Variants in CLYBL observed in about 807,000 individuals in gnomAD.
CLYBL encodes the protein citramalyl-CoA lyase, mitochondrial.
In CLYBL, 31 loss-of-function variants were observed where a neutral mutation model predicts 38.9. That is an observed-to-expected ratio of 0.80 (90% confidence interval 0.60 to 1.08). The LOEUF (loss-of-function observed/expected upper bound fraction) is 1.08, where lower values mean the gene tolerates loss of function less well. Ranked by LOEUF, CLYBL falls within the 50% of genes least tolerant of loss-of-function variation. The pLI is 0.00. For missense variants in CLYBL, 434 were observed against 411.6 expected, an observed-to-expected ratio of 1.05 and a Z score of -0.47; for synonymous variants, 171 against 158.6, an observed-to-expected ratio of 1.08 and a Z score of -0.59.
At chr13:99,877,329 T>C (rs1034901939) in intron 7 of CLYBL, among the ~76,000 whole-genome samples, 1 of 152,152 alleles carries the variant, frequency 6.6e-6, no homozygotes, top group East Asian at 1.9e-4. Flanking sequence ...TTCCTCTTCC[T>C]GTATTTCTCC....
chr13:99,651,203 C>T (rs770457068), intron 1 of CLYBL, among the ~76,000 whole-genome samples: 20 of 152,360 alleles, frequency 1.3e-4, no homozygotes, highest in South Asian at 8.3e-4. Flanking sequence ...TTAGATCCAA[C>T]CACCTAGGTC....
At chr13:99,729,686 A>G (rs890699348) in intron 1 of CLYBL, among the ~76,000 whole-genome samples, 1 of 152,186 alleles carries the variant, frequency 6.6e-6, no homozygotes, top group Non-Finnish European at 1.5e-5. Flanking sequence ...TTCTCTGTCA[A>G]TTAGCAAATG....
At chr13:99,819,500 C>A (rs2050543875) in intron 2 of CLYBL, among the ~76,000 whole-genome samples, 2 of 114,912 alleles carry the variant, frequency 1.7e-5, no homozygotes, top group Admixed American at 9.1e-5. Flanking sequence ...GGGACAGAAC[C>A]AATAGGATAT....
In CLYBL at chr13:99,870,948, G is replaced by T. The variant is rs774568930; in HGVS notation, c.813G>T (p.Val271=). ...TTAATATTCTTGTAGGTAAGCAGGT[G>T]ATTCACCCTAACCAAATTGCCGTGG... ...GAAMGFTGKQ[V]IHPNQIAVVQ... is the part of the protein sequence containing the mutation. Residue 271 remains valine, a synonymous_variant, in exon 7 of 9, where the codon GTG becomes GTT. Coordinates refer to ENST00000339105, the MANE Select transcript of CLYBL (RefSeq NM_206808.5). 3.1e-6 allele frequency: 5 copies of T among 1,609,426 alleles called. No homozygotes were observed. The South Asian group carries it at 4.4e-5, about 14-fold the overall frequency.
chr13:99,610,389 TTAAG>T (rs2046607985), intron 1 of CLYBL, among the ~76,000 whole-genome samples: 1 of 152,228 alleles, frequency 6.6e-6, no homozygotes, highest in Non-Finnish European at 1.5e-5. Context: ...ACTGGACATT[TTAAG>T]TAATATAATG....
chr13:99,614,663 C>T (rs976083729), intron 1 of CLYBL, among the ~76,000 whole-genome samples: 2 of 152,154 alleles, frequency 1.3e-5, no homozygotes, highest in Non-Finnish European at 2.9e-5. Context: ...CTGTGTGGGG[C>T]TCGTGCTCCT....
At chr13:99,818,484 C>CACACACAT (rs1392143824) in intron 2 of CLYBL, among the ~76,000 whole-genome samples, 1 of 148,836 alleles carries the variant, frequency 6.7e-6, no homozygotes, top group African/African-American at 2.5e-5. Context: ...CACACACACA[C>CACACACAT]GGACACACAC....
At chr13:99,760,329 T>C (rs944303615) in intron 1 of CLYBL, among the ~76,000 whole-genome samples, 8 of 152,258 alleles carry the variant, frequency 5.3e-5, no homozygotes, top group Admixed American at 5.2e-4. Flanking sequence ...ACTGCTCTTA[T>C]ATGGCTTTTA....
intron 9 of CLYBL, among the ~76,000 whole-genome samples, chr13:99,907,642 G>T (rs2052710174): frequency 6.6e-6 from 1 of 152,054 alleles, no homozygotes; most frequent in African/African-American, 2.4e-5. Context: ...AGGATTGCCT[G>T]AGGCCAAGAG....
chr13:99,813,488 G>T (rs1417444844), intron 2 of CLYBL, among the ~76,000 whole-genome samples: 1 of 152,154 alleles, frequency 6.6e-6, no homozygotes, highest in Non-Finnish European at 1.5e-5. Context: ...GCAATCTTCA[G>T]TGTTCATGGG....
At chr13:99,892,177 A>G (rs1200290169) in intron 8 of CLYBL, 4 of 152,132 alleles carry the variant, frequency 2.6e-5, no homozygotes, top group African/African-American at 2.4e-5. Context: ...CATTGAGGCT[A>G]TTTCCCCCTG....
chr13:99,664,263 C>CA (rs1170746619), intron 1 of CLYBL, among the ~76,000 whole-genome samples: 1 of 152,102 alleles, frequency 6.6e-6, no homozygotes, highest in Admixed American at 6.5e-5. Flanking sequence ...ATAAAGGTTA[C>CA]AAAAAAAGTT....
At position 99,645,962 on chromosome 13, in the gene CLYBL, A is replaced by G. The variant is rs561896899; in HGVS notation, c.62+39205A>G. Among the ~76,000 whole-genome samples, 347 of 152,280 alleles carry G rather than the reference A, an allele frequency of 2.3e-3. 1 individual carries two copies. Among genetic ancestry groups the G allele is most frequent in the Non-Finnish European group, 4.3e-3 (291 of 68,014 alleles). ...GCATGAATAAGCCACCAGCAATGTC[A>G]GGGTATCTTCTTTCCTGTGGCTGAG... is the stretch of plus-strand genomic sequence containing the variant. On this transcript the variant is annotated intron_variant, in intron 1 of 8. Transcript: ENST00000339105.
intron 2 of CLYBL, among the ~76,000 whole-genome samples, chr13:99,779,820 G>A (rs1301643772): frequency 2.0e-5 from 3 of 152,082 alleles, no homozygotes; most frequent in African/African-American, 7.2e-5. Context: ...CTGAGCTCTA[G>A]CGTAGTGACA....
rs186416607 is a variant in CLYBL at position 99,639,189 on chromosome 13, T to G, written c.62+32432T>G. Among the ~76,000 whole-genome samples, 3 of 152,312 alleles carry G rather than the reference T, an allele frequency of 2.0e-5. No individual in the cohort carries two copies. The East Asian group carries it at 5.8e-4, about 29-fold the overall frequency. ...GAATTTATCATCCTAATCTGGATAT[T>G]TTTGAGAGTGAAAGGAGTACTGTTA... On this transcript the variant is annotated intron_variant, in intron 1 of 8. Coordinates refer to ENST00000339105, the MANE Select transcript of CLYBL (RefSeq NM_206808.5).
intron 7 of CLYBL, among the ~76,000 whole-genome samples, chr13:99,887,385 T>C (rs1242455650): frequency 6.6e-6 from 1 of 152,222 alleles, no homozygotes; most frequent in East Asian, 1.9e-4. Context: ...ACTGCAGGGC[T>C]AAGTTGCACA....
chr13:99,795,187 CA>C (rs2049997487), intron 2 of CLYBL, among the ~76,000 whole-genome samples: 1 of 152,126 alleles, frequency 6.6e-6, no homozygotes, highest in African/African-American at 2.4e-5. Flanking sequence ...TGTGCTATTT[CA>C]AATATGTTTT....
intron 1 of CLYBL, among the ~76,000 whole-genome samples, chr13:99,767,424 G>A (rs2049290791): frequency 1.3e-5 from 2 of 152,220 alleles, no homozygotes; most frequent in Admixed American, 1.3e-4. Flanking sequence ...GTGTCTAGAT[G>A]TGGGTGTCTT....
chr13:99,817,662 A>C (rs948035535), intron 2 of CLYBL, among the ~76,000 whole-genome samples: 8 of 149,632 alleles, frequency 5.3e-5, no homozygotes, highest in Non-Finnish European at 1.0e-4. Context: ...CTCAAAAAAA[A>C]AAAAAAAAAA....
Sources: gnomAD v4.1 joint callset for allele counts (sites outside exome capture counted in the v4.1 genomes callset) on GRCh38, gnomAD v4.1.1 for gene constraint, MANE v1.5 for transcripts, NCBI Gene and HGNC (gene_info 2026-07-23, HGNC 2026-07-21) for gene names.